ETV7: variants seen among roughly 807,000 people sequenced by gnomAD.
ETV7 encodes transcription factor ETV7.
In ETV7, 43 loss-of-function variants were observed where a neutral mutation model predicts 39.1. That is an observed-to-expected ratio of 1.10 (90% CI 0.86 to 1.42). The LOEUF (loss-of-function observed/expected upper bound fraction) is 1.42, where lower values mean the gene tolerates loss of function less well. Ranked by LOEUF, ETV7 falls within the 40% of genes most tolerant of loss-of-function variation. The pLI, the probability that ETV7 is intolerant of heterozygous loss-of-function variation, is 0.00. For missense variants in ETV7, 432 were observed against 442.3 expected (o/e 0.98, Z 0.21); for synonymous variants, 196 against 176.6 (o/e 1.11, Z -0.87).
rs148424091 is a variant in ETV7 at position 36,383,571 on chromosome 6, G to A, written c.142+1963C>T. ...GGGGAGGGAATGGGGTGGGTGACGG[G>A]GAATAAACATCAGAGAGATGGGCAG... On this transcript the variant is annotated intron_variant, in intron 2 of 7. Coordinates refer to ENST00000340181, the MANE Select transcript of ETV7 (RefSeq NM_016135.4). Among the ~76,000 whole-genome samples, 466 of 152,234 alleles carry A rather than the reference G, an allele frequency of 3.1e-3. 2 individuals are homozygous for A. The highest frequency in any genetic ancestry group is 0.011 in the African/African-American group (444 of 41,546).
In ETV7 at chr6:36,358,967, T is replaced by C. The variant is rs536558831; in HGVS notation, c.909-4280A>G. Among the ~76,000 whole-genome samples, 115 of 152,266 alleles carry C rather than the reference T, an allele frequency of 7.6e-4. 1 individual carries two copies. The highest frequency in any genetic ancestry group is 4.1e-3 in the Admixed American group (62 of 15,304). ...AGAACTGAGGTCTATTCAGGAGACTTTGTGATCTCGGTCTTAGCTGATGGC... is the reference window on the plus strand; with the variant it reads ...AGAACTGAGGTCTATTCAGGAGACTCTGTGATCTCGGTCTTAGCTGATGGC... On this transcript the variant is annotated intron_variant, in intron 7 of 7. Transcript: ENST00000339796.
At chr6:36,354,843 G>A (rs1340853225) in intron 7 of ETV7, among the ~76,000 whole-genome samples, 1 of 152,148 alleles carries the variant, frequency 6.6e-6, no homozygotes, top group Non-Finnish European at 1.5e-5. Flanking sequence ...ATGCTTTGTA[G>A]TTTTCAGAGT....
intron 4 of ETV7, 36 bp downstream of exon 4, chr6:36,373,417 G>A: frequency 3.3e-6 from 5 of 1,492,824 alleles, no homozygotes; most frequent in Admixed American, 2.5e-5. Context: ...GCTGATTTGA[G>A]GGAGGTACTC....
intron 3 of ETV7, among the ~76,000 whole-genome samples, chr6:36,374,981 A>G (rs568039081): frequency 2.0e-5 from 3 of 151,838 alleles, no homozygotes; most frequent in Admixed American, 1.3e-4. Flanking sequence ...AGGCAGGGGA[A>G]TCGCTTGAAC....
At chr6:36,362,649 G>T (rs1231445624), downstream of ETV7, among the ~76,000 whole-genome samples, 1 of 152,166 alleles carries the variant, frequency 6.6e-6, no homozygotes, top group Non-Finnish European at 1.5e-5. Context: ...GGCACCCAGG[G>T]GTCCATCCCC....
downstream of ETV7, among the ~76,000 whole-genome samples, chr6:36,363,502 T>C (rs1472594521): frequency 6.6e-6 from 1 of 152,210 alleles, no homozygotes; most frequent in Non-Finnish European, 1.5e-5. Flanking sequence ...GTGGGCTCGC[T>C]GGCTTCAGGA....
downstream of ETV7, among the ~76,000 whole-genome samples, chr6:36,363,506 T>C (rs1772599841): frequency 6.6e-6 from 1 of 151,396 alleles, no homozygotes; most frequent in Admixed American, 6.6e-5. Flanking sequence ...GCTCGCTGGC[T>C]TCAGGAGTGA....
chr6:36,378,481 A>G (rs1419534443), intron 2 of ETV7, among the ~76,000 whole-genome samples: 1 of 152,238 alleles, frequency 6.6e-6, no homozygotes, highest in Admixed American at 6.5e-5. Context: ...ATTTGACTAC[A>G]TTAATTTTCT....
rs1434671928 is a variant in ETV7, at chr6:36,366,946, C to G, written c.837G>C (p.Met279Ile). 1 of 1,613,912 alleles carries G rather than the reference C, an allele frequency of 6.2e-7. No homozygotes were observed. The highest frequency in any genetic ancestry group is 8.5e-7 in the Non-Finnish European group (1 of 1,180,006). The change falls in exon 7 of 8, where the codon ATG becomes ATC. Residue 279 changes from methionine to isoleucine, a missense_variant. Met to Ile is a conservative substitution (Grantham distance 10). Transcript: ENST00000340181. Reference sequence around the variant, plus strand: ...TATAATAGTGGCGCAGGGCACGAGACATCTTCTCGTAGGTCATGTTCACCC... The same window carrying G: ...TATAATAGTGGCGCAGGGCACGAGAGATCTTCTCGTAGGTCATGTTCACCC... ...KNRVNMTYEKMSRALRHYYKL... is the reference protein window; with the variant it reads ...KNRVNMTYEKISRALRHYYKL...
At chr6:36,373,683 T>A in intron 3 of ETV7, 105 bp from the exon 4 acceptor site, 1 of 1,308,210 alleles carries the variant, frequency 7.6e-7, no homozygotes, top group Non-Finnish European at 1.0e-6. Flanking sequence ...CTGGCATGTC[T>A]TGTCACAGCT....
chr6:36,377,518 G>A lies in ETV7; in HGVS notation c.143-1483C>T, dbSNP rs534538552. ...GACTGCACTGGTGTAAAGACTCAGA[G>A]CTCACTGGGTTCAGTTCTACAGGTA... On this transcript the variant is annotated intron_variant, in intron 2 of 7. Transcript: ENST00000340181. Among the ~76,000 whole-genome samples the A allele has an allele frequency of 2.0e-5, 3 of 152,234 alleles. No homozygotes were observed. In the East Asian group the frequency reaches 5.8e-4, roughly 29 times the overall value.
At chr6:36,375,720 C>G in intron 3 of ETV7, 151 bp downstream of exon 3, 1 of 1,240,754 alleles carries the variant, frequency 8.1e-7, no homozygotes, top group East Asian at 2.3e-5. Flanking sequence ...CAGATACACA[C>G]GTATGCAGAG....
At chr6:36,360,747 C>T (rs547093493) in intron 7 of ETV7, among the ~76,000 whole-genome samples, 2 of 152,248 alleles carry the variant, frequency 1.3e-5, no homozygotes, top group East Asian at 1.9e-4. Flanking sequence ...TCCCATTTCC[C>T]GTGCAGTCTC....
At chr6:36,376,613 T>TA (rs1345203981) in intron 2 of ETV7, among the ~76,000 whole-genome samples, 1 of 151,850 alleles carries the variant, frequency 6.6e-6, no homozygotes, top group East Asian at 1.9e-4. Context: ...CCATCTCTAC[T>TA]AAAAATACAA....
downstream of ETV7, among the ~76,000 whole-genome samples, chr6:36,363,444 G>A (rs1227251688): frequency 3.9e-5 from 6 of 152,056 alleles, no homozygotes; most frequent in African/African-American, 1.2e-4. Flanking sequence ...GAGTGTTACA[G>A]CTCTTAAAGC....
Position 36,371,464 on chromosome 6 carries a change from G to A in ETV7, c.530C>T (p.Pro177Leu). The A allele has an allele frequency of 1.2e-6, 2 of 1,603,058 alleles. No homozygotes were observed. The highest frequency in any genetic ancestry group is 1.7e-4 in the Middle Eastern group (1 of 6,034). Residue 177 changes from proline to leucine, a missense_variant, in exon 5 of 8, where the codon CCT becomes CTT. By Grantham distance (98) the Pro-to-Leu change is moderately conservative. Coordinates refer to ENST00000340181, the MANE Select transcript of ETV7 (RefSeq NM_016135.4). ...LTSNFGHLDD[P>L]GLARWTPGKE... ...GCCAGGGGTCCACCTTGCCAGGCCA[G>A]GGTCATCCAGGTGGCCGAAGTTGCT...
chr6:36,371,817 C>A (rs1033633569), intron 4 of ETV7, among the ~76,000 whole-genome samples: 1 of 152,220 alleles, frequency 6.6e-6, no homozygotes, highest in African/African-American at 2.4e-5. Context: ...GCTGCAAAGC[C>A]AAGCAGTGAC....
In ETV7 at chr6:36,366,454, C is replaced by A; in HGVS notation, c.*191G>T. The A allele has an allele frequency of 6.9e-7, 1 of 1,448,554 alleles. No individual in the cohort carries two copies. The allele number at this position is 1,448,554 out of a possible 1,614,324, so 89.7% of individuals were successfully genotyped here. A position where few individuals can be genotyped will look rare whatever the true frequency, so the allele number is the denominator to read the frequency against. On this transcript the variant is annotated 3_prime_UTR_variant, in exon 8 of 8. Transcript: ENST00000340181. ...TCATTTAGCCCCAGGATTGCCCTGCCCAAAAGATGACACTCCTGCCCCCAG... is the reference window on the plus strand; with the variant it reads ...TCATTTAGCCCCAGGATTGCCCTGCACAAAAGATGACACTCCTGCCCCCAG...
chr6:36,369,563 T>C (rs1262068243), intron 5 of ETV7, among the ~76,000 whole-genome samples: 10 of 152,130 alleles, frequency 6.6e-5, no homozygotes, highest in African/African-American at 2.2e-4. Context: ...AGGCATGCCA[T>C]TGGGAGGGCA....
Sources: allele counts gnomAD v4.1 joint callset (sites outside exome capture counted in the v4.1 genomes callset), GRCh38; gene constraint gnomAD v4.1.1; transcripts MANE v1.5; gene names NCBI Gene and HGNC (gene_info 2026-07-23, HGNC 2026-07-21).